The following PCDH9 variants were observed in gnomAD, a reference collection of about 807,000 sequenced individuals.
PCDH9 encodes protocadherin 9.
A neutral mutation model predicts 70.6 loss-of-function variants in PCDH9; 24 were observed. The ratio of observed to expected loss-of-function variants is 0.34; its 90% CI spans 0.25 to 0.48. The LOEUF is 0.48. PCDH9 is among the 20% of genes least tolerant of loss of function. PCDH9 has a pLI of 0.99. For synonymous variants in PCDH9, 562 were observed against 558.5 expected, an observed-to-expected ratio of 1.01 and a Z score of -0.09; for missense variants, 1,281 against 1,503.6, an observed-to-expected ratio of 0.85 and a Z score of 2.45.
intron 4 of PCDH9, among the ~76,000 whole-genome samples, chr13:66,597,828 A>C (rs1334236410): frequency 6.6e-6 from 1 of 151,844 alleles, no homozygotes. Context: ...CGCAAACCAT[A>C]TATCTGATAA....
rs989636369 is a variant in PCDH9, at chr13:66,943,215, G to T, written c.3037-39610C>A. Reference sequence around the variant, plus strand: ...TTACATTACATTTTATATTACAATGGTTTGCAATATAAAATGTGTTTTCCC... The same window carrying T: ...TTACATTACATTTTATATTACAATGTTTTGCAATATAAAATGTGTTTTCCC... On this transcript the variant is annotated intron_variant, in intron 2 of 4. Transcript: ENST00000377865. Among the ~76,000 whole-genome samples the T allele has an allele frequency of 2.0e-5, 3 of 151,896 alleles. No homozygotes were observed. In the East Asian group the frequency reaches 5.8e-4, roughly 29 times the overall value.
At chr13:66,952,222 A>C (rs1019351136) in intron 2 of PCDH9, among the ~76,000 whole-genome samples, 3 of 152,156 alleles carry the variant, frequency 2.0e-5, no homozygotes, top group African/African-American at 7.2e-5. Context: ...GCATTGTGGA[A>C]GGCACCTTGG....
chr13:66,934,821 C>T (rs1206836400), intron 2 of PCDH9, among the ~76,000 whole-genome samples: 5 of 140,094 alleles, frequency 3.6e-5, no homozygotes, highest in South Asian at 2.3e-4. Context: ...CCCGGGTTCA[C>T]GCCATTCTCC....
At chr13:66,987,103 T>C (rs2083907719) in intron 2 of PCDH9, among the ~76,000 whole-genome samples, 1 of 152,036 alleles carries the variant, frequency 6.6e-6, no homozygotes, top group South Asian at 2.1e-4. Context: ...TTTACTTAAA[T>C]TTATTACAAT....
At chr13:66,432,429 A>G (rs1012730476) in intron 4 of PCDH9, among the ~76,000 whole-genome samples, 1 of 152,038 alleles carries the variant, frequency 6.6e-6, no homozygotes, top group East Asian at 1.9e-4. Context: ...TATCATAACT[A>G]TGACAACATG....
At chr13:66,313,410 A>C (rs562961943) in intron 4 of PCDH9, among the ~76,000 whole-genome samples, 3 of 152,178 alleles carry the variant, frequency 2.0e-5, no homozygotes, top group Non-Finnish European at 2.9e-5. Context: ...TGGTAAATCT[A>C]ATTTGATGTG....
intron 3 of PCDH9, among the ~76,000 whole-genome samples, chr13:66,866,396 G>A (rs2139493872): frequency 6.6e-6 from 1 of 151,672 alleles, no homozygotes; most frequent in South Asian, 2.1e-4. Context: ...GAAAGAGAAT[G>A]GCGGGAACCC....
intron 3 of PCDH9, among the ~76,000 whole-genome samples, chr13:66,728,135 A>T (rs1414876772): frequency 6.6e-6 from 1 of 152,160 alleles, no homozygotes; most frequent in Non-Finnish European, 1.5e-5. Flanking sequence ...TATTTGCCAT[A>T]GCCTTCCTAA....
At chr13:66,485,073 G>A (rs759882756) in intron 4 of PCDH9, among the ~76,000 whole-genome samples, 2 of 152,134 alleles carry the variant, frequency 1.3e-5, no homozygotes, top group Non-Finnish European at 2.9e-5. Flanking sequence ...CATTTTGCAA[G>A]AATGTGAAAT....
intron 4 of PCDH9, among the ~76,000 whole-genome samples, chr13:66,471,784 T>C (rs1244757790): frequency 4.6e-5 from 7 of 152,180 alleles, no homozygotes; most frequent in Non-Finnish European, 8.8e-5. Context: ...TTCCTAACCA[T>C]TGCTCTGCTA....
chr13:66,553,528 C>A (rs1309160303), intron 4 of PCDH9, among the ~76,000 whole-genome samples: 2 of 152,074 alleles, frequency 1.3e-5, no homozygotes, highest in Admixed American at 1.3e-4. Flanking sequence ...AAAAACAGAG[C>A]AAATACTCCA....
chr13:66,515,501 G>A (rs145291835), intron 4 of PCDH9, among the ~76,000 whole-genome samples: 22 of 151,692 alleles, frequency 1.5e-4, no homozygotes, highest in Non-Finnish European at 2.7e-4. Flanking sequence ...TATCATATAC[G>A]GTTTTAAAAA....
chr13:66,869,844 G>T (rs1039649844), intron 3 of PCDH9, among the ~76,000 whole-genome samples: 1 of 152,070 alleles, frequency 6.6e-6, no homozygotes, highest in Non-Finnish European at 1.5e-5. Context: ...AAAAGACTGG[G>T]ATTAGAGAAT....
chr13:67,216,714 A>C (rs1474282962), intron 2 of PCDH9: 1 of 144,542 alleles, frequency 6.9e-6, no homozygotes, highest in African/African-American at 2.5e-5. Flanking sequence ...ATATGGATAT[A>C]TATACGGAAA....
At chr13:67,054,968 G>A (rs547184947) in intron 2 of PCDH9, among the ~76,000 whole-genome samples, 6 of 152,272 alleles carry the variant, frequency 3.9e-5, no homozygotes, top group Admixed American at 6.5e-5. Flanking sequence ...TGCTTAGAAC[G>A]TCAGAAAACC....
chr13:66,675,113 G>A (rs938672324), intron 3 of PCDH9, among the ~76,000 whole-genome samples: 1 of 152,026 alleles, frequency 6.6e-6, no homozygotes. Context: ...TGATGCCTCA[G>A]ATTCCTTATC....
intron 3 of PCDH9, among the ~76,000 whole-genome samples, chr13:66,730,115 T>C (rs1214296393): frequency 6.6e-6 from 1 of 152,216 alleles, no homozygotes; most frequent in Non-Finnish European, 1.5e-5. Context: ...GGATTTTCTG[T>C]ATAGTCAATA....
chr13:66,997,825 G>T (rs1221488503), intron 2 of PCDH9, among the ~76,000 whole-genome samples: 1 of 152,074 alleles, frequency 6.6e-6, no homozygotes, highest in South Asian at 2.1e-4. Flanking sequence ...GAGCCACCGC[G>T]CCTGGACTGG....
At chr13:66,891,666 G>C (rs1201318291) in intron 3 of PCDH9, among the ~76,000 whole-genome samples, 1 of 152,026 alleles carries the variant, frequency 6.6e-6, no homozygotes, top group African/African-American at 2.4e-5. Context: ...TAGACTATGA[G>C]ATCAGTTTCA....
Sources: allele counts gnomAD v4.1 joint callset (sites outside exome capture counted in the v4.1 genomes callset), GRCh38; gene constraint gnomAD v4.1.1; transcripts MANE v1.5; gene names NCBI Gene and HGNC (gene_info 2026-07-23, HGNC 2026-07-21).